HECTD4: variants seen among roughly 807,000 people sequenced by gnomAD.
The protein encoded by HECTD4 is HECT domain E3 ubiquitin protein ligase 4.
HECTD4 carries 114 observed loss-of-function variants against 471.5 expected under a neutral mutation model. The ratio of observed to expected loss-of-function variants is 0.24; its 90% CI spans 0.21 to 0.28. The LOEUF is 0.28. HECTD4 is among the 10% of genes least tolerant of loss of function. The pLI, the probability that HECTD4 is intolerant of heterozygous loss-of-function variation, is 1.00. For missense variants in HECTD4, 3,866 were observed against 5,651.5 expected (o/e 0.68, Z 10.13); for synonymous variants, 2,012 against 2,256.0 (o/e 0.89, Z 3.07).
At chr12:112,280,784 C>CTTTT (rs569956040) in intron 8 of HECTD4, among the ~76,000 whole-genome samples, 16 of 115,244 alleles carry the variant, frequency 1.4e-4, no homozygotes, top group Admixed American at 1.8e-4. Context: ...GGAATAAAAA[C>CTTTT]TTTTTTTTTT....
intron 1 of HECTD4, among the ~76,000 whole-genome samples, chr12:112,352,970 T>C (rs1048845770): frequency 2.0e-5 from 3 of 152,230 alleles, no homozygotes; most frequent in African/African-American, 4.8e-5. Context: ...TTGTCTGTAA[T>C]GAAGAAAACT....
At position 112,237,133 on chromosome 12, in the gene HECTD4, G is replaced by A. The variant is rs777819078; in HGVS notation, c.5291-35C>T. On this transcript the variant is annotated intron_variant, in intron 34 of 75. Coordinates refer to ENST00000682272, the MANE Select transcript of HECTD4 (RefSeq NM_001388303.1). ...TAAAGAAAGAAAAAAAGAGATTGGT[G>A]AAAACTTAAGGGTGCCATGGTGAGC... 5 of 1,518,770 alleles carry A rather than the reference G, an allele frequency of 3.3e-6. No individual in the cohort carries two copies. In the South Asian group the frequency reaches 6.2e-5, roughly 19 times the overall value. The allele number at this position is 1,518,770 out of a possible 1,614,324, so 94.1% of individuals were successfully genotyped here.
At chr12:112,309,361 C>T (rs141681578) in intron 5 of HECTD4, among the ~76,000 whole-genome samples, 200 bp downstream of exon 5, 83 of 152,276 alleles carry the variant, frequency 5.5e-4, no homozygotes, top group African/African-American at 1.9e-3. Context: ...TGGGCCAAAA[C>T]AAGGCTAAAA....
intron 1 of HECTD4, among the ~76,000 whole-genome samples, chr12:112,348,066 TA>T (rs1838974478): frequency 6.6e-6 from 1 of 152,248 alleles, no homozygotes; most frequent in Admixed American, 6.5e-5. Context: ...TGAACTTTTA[TA>T]ATCTGAACAT....
Position 112,173,429 on chromosome 12 carries a change from G to A in HECTD4, c.11595-568C>T, listed in dbSNP as rs1182123005. 6.6e-6 allele frequency among the ~76,000 whole-genome samples: 1 copy of A among 151,572 alleles called. No individual in the cohort carries two copies. Among genetic ancestry groups the A allele is most frequent in the African/African-American group, 2.4e-5 (1 of 41,196 alleles). On this transcript the variant is annotated intron_variant, in intron 66 of 75. Coordinates refer to ENST00000682272, the MANE Select transcript of HECTD4 (RefSeq NM_001388303.1). The surrounding 1 kb of genome is among the most constrained non-coding windows in gnomAD (Gnocchi z 4.3). Reference sequence around the variant, plus strand: ...TTTTGAGATGGAGTCTCGCTCTATCGCCCAGGCTGGAGTGCAGTGGTGCGA... The same window carrying A: ...TTTTGAGATGGAGTCTCGCTCTATCACCCAGGCTGGAGTGCAGTGGTGCGA...
intron 1 of HECTD4, among the ~76,000 whole-genome samples, chr12:112,380,314 G>A (rs1424533611): frequency 2.6e-5 from 4 of 152,032 alleles, no homozygotes; most frequent in Non-Finnish European, 2.9e-5. Context: ...GCATGGTGGC[G>A]CGTGCCTGTA....
intron 1 of HECTD4, among the ~76,000 whole-genome samples, chr12:112,324,845 G>A (rs1393860193): frequency 2.0e-5 from 3 of 152,016 alleles, no homozygotes; most frequent in African/African-American, 7.2e-5. Flanking sequence ...CTTTAAAAAA[G>A]CTTTTCAGTA....
intron 13 of HECTD4, among the ~76,000 whole-genome samples, chr12:112,269,229 A>C (rs1330499201): frequency 6.6e-6 from 1 of 152,162 alleles, no homozygotes; most frequent in Non-Finnish European, 1.5e-5. Flanking sequence ...CTTACTTTGC[A>C]TCAGGCCTTA....
intron 7 of HECTD4, among the ~76,000 whole-genome samples, chr12:112,289,185 G>C (rs2034822483): frequency 6.6e-6 from 1 of 151,620 alleles, no homozygotes; most frequent in South Asian, 2.1e-4. Flanking sequence ...CTGCAGCCTT[G>C]ACCTTCAGGG....
intron 32 of HECTD4, among the ~76,000 whole-genome samples, chr12:112,242,903 T>C (rs949032674): frequency 6.6e-6 from 1 of 152,036 alleles, no homozygotes; most frequent in East Asian, 1.9e-4. Context: ...AGAGTGAGAC[T>C]CTGTGTCAAA....
chr12:112,308,453 CA>C (rs1330352270), intron 6 of HECTD4, among the ~76,000 whole-genome samples: 9 of 130,652 alleles, frequency 6.9e-5, no homozygotes, highest in Middle Eastern at 3.9e-3. Context: ...AAAACAAAAA[CA>C]AAACAAAAAA....
rs753056151 is a variant in HECTD4, at chr12:112,193,641, G to A, written c.8783C>T (p.Ala2928Val). 1.2e-5 allele frequency: 19 copies of A among 1,612,794 alleles called. No individual in the cohort carries two copies. Among genetic ancestry groups the A allele is most frequent in the South Asian group, 3.3e-5 (3 of 90,690 alleles). ...GTISSSSILL[A>V]QSLQHCIHSQ... ...ATGGATGCAATGCTGTAAAGACTGC[G>A]CCAGGAGGATCGAGCTGGAGCTGAT... The change falls in exon 57 of 76, where the codon GCG becomes GTG. Residue 2928 changes from alanine to valine, a missense_variant. Physicochemically the swap from Ala to Val is moderately conservative, Grantham distance 64. Around this residue, in one of 16 missense-constraint regions of HECTD4, gnomAD observed 266 missense variants for 441.6 expected, o/e 0.60. Transcript: ENST00000682272. The surrounding 1 kb of genome is among the most constrained non-coding windows in gnomAD (Gnocchi z 5.2).
In HECTD4 at chr12:112,163,204, C is replaced by T. The variant is rs1270099483; in HGVS notation, c.12958G>A (p.Gly4320Arg). Residue 4320 changes from glycine to arginine, a missense_variant, in exon 75 of 76, where the codon GGG (glycine) becomes AGG (arginine). By Grantham distance (125) the Gly-to-Arg change is moderately radical. Transcript: ENST00000682272. This position sits in a 1 kb window ranked among gnomAD's most constrained non-coding sequence, Gnocchi z 8.2. Reference sequence around the variant, plus strand: ...TCCTGGGTGAACATCTCCAGGGCCCCCCAGAAGAACTCGATGTGCTGGTCC... The same window carrying T: ...TCCTGGGTGAACATCTCCAGGGCCCTCCAGAAGAACTCGATGTGCTGGTCC... Reference protein sequence around the residue: ...ETDQHIEFFWGALEMFTQEEL... With the variant: ...ETDQHIEFFWRALEMFTQEEL... 1 of 1,613,952 alleles carries T rather than the reference C, an allele frequency of 6.2e-7. No homozygotes were observed. The highest frequency in any genetic ancestry group is 1.1e-5 in the South Asian group (1 of 91,080).
At chr12:112,212,080 G>T (rs1193523635) in intron 49 of HECTD4, among the ~76,000 whole-genome samples, 1 of 152,138 alleles carries the variant, frequency 6.6e-6, no homozygotes, top group East Asian at 1.9e-4. Context: ...TGAGGATGCT[G>T]GTTAACTAAG....
intron 1 of HECTD4, among the ~76,000 whole-genome samples, chr12:112,355,468 T>C (rs1299758702): frequency 9.1e-6 from 1 of 109,294 alleles, no homozygotes; most frequent in African/African-American, 3.6e-5. Flanking sequence ...GTCTCAAAAA[T>C]AAAAATAAAG....
At chr12:112,221,153 A>G (rs1769265341) in intron 44 of HECTD4, among the ~76,000 whole-genome samples, 1 of 151,952 alleles carries the variant, frequency 6.6e-6, no homozygotes, top group South Asian at 2.1e-4. Context: ...GGGTCTTGCT[A>G]TGTTGCCCAG....
intron 7 of HECTD4, among the ~76,000 whole-genome samples, chr12:112,293,412 T>C (rs1390895835): frequency 6.8e-6 from 1 of 147,636 alleles, no homozygotes; most frequent in African/African-American, 2.5e-5. Flanking sequence ...GGTGGTGGCT[T>C]GCGCCTGTAA....
intron 19 of HECTD4, 123 bp downstream of exon 19, chr12:112,258,989 A>G: frequency 1.2e-6 from 1 of 843,618 alleles, no homozygotes; most frequent in Non-Finnish European, 1.8e-6. Flanking sequence ...TCATTCCATC[A>G]TTATTTCCCT....
chr12:112,299,732 A>AT, intron 7 of HECTD4, among the ~76,000 whole-genome samples: 1 of 152,282 alleles, frequency 6.6e-6, no homozygotes, highest in East Asian at 1.9e-4. Flanking sequence ...CTCCAAAAAG[A>AT]TTTTTTTAAT....
Sources: gnomAD v4.1 joint callset for allele counts (sites outside exome capture counted in the v4.1 genomes callset) on GRCh38, gnomAD v4.1.1 for gene constraint, gnomAD v4.1.1 regional missense constraint, Gnocchi (gnomAD v3.1) non-coding constraint, MANE v1.5 for transcripts, NCBI Gene and HGNC (gene_info 2026-07-23, HGNC 2026-07-21) for gene names.